The following SPTLC1 variants were observed in gnomAD, a reference collection of about 807,000 sequenced individuals.
SPTLC1 encodes the protein serine palmitoyltransferase long chain base subunit 1.
A neutral mutation model predicts 68.9 loss-of-function variants in SPTLC1; 55 were observed. That is an observed-to-expected ratio of 0.80 (90% CI 0.64 to 1.00). The LOEUF is 1.00. Ranked by LOEUF, SPTLC1 falls within the 50% of genes least tolerant of loss-of-function variation. The pLI is 0.00. For synonymous variants in SPTLC1, 197 were observed against 201.6 expected (o/e 0.98, Z 0.19); for missense variants, 449 against 573.1 (o/e 0.78, Z 2.21).
intron 9 of SPTLC1, among the ~76,000 whole-genome samples, chr9:92,049,759 T>TA (rs1833644729): frequency 6.6e-6 from 1 of 152,180 alleles, no homozygotes. Flanking sequence ...TCCGAGTTTA[T>TA]AAGTGCAGAA....
At chr9:92,050,810 G>GTTTTTTTTTT (rs1564088122) in intron 8 of SPTLC1, 3 of 72,262 alleles carry the variant, frequency 4.2e-5, no homozygotes, top group African/African-American at 2.6e-4. Context: ...GCACAATACT[G>GTTTTTTTTTT]ATTTTTTTTT....
intron 14 of SPTLC1, among the ~76,000 whole-genome samples, chr9:92,032,958 T>C (rs1421931856): frequency 1.3e-5 from 2 of 151,792 alleles, no homozygotes; most frequent in Non-Finnish European, 2.9e-5. Context: ...CAGTCAACCA[T>C]ATATGGCCTG....
chr9:92,072,958 CA>C (rs113549857), intron 5 of SPTLC1, among the ~76,000 whole-genome samples: 2 of 151,958 alleles, frequency 1.3e-5, no homozygotes, highest in Admixed American at 6.6e-5. Context: ...TTTCTCCCCC[CA>C]ACCCACCTAT....
At chr9:92,110,139 C>T (rs1382612030) in intron 2 of SPTLC1, 1 of 152,230 alleles carries the variant, frequency 6.6e-6, no homozygotes, top group Non-Finnish European at 1.5e-5. Context: ...TTCCAATCAA[C>T]TAGTTTCGAC....
chr9:92,050,239 T>C, intron 8 of SPTLC1, 172 bp from the exon 9 acceptor site: 2 of 586,192 alleles, frequency 3.4e-6, no homozygotes, highest in Non-Finnish European at 3.1e-6. Flanking sequence ...ATATCAATAC[T>C]TTTTTCCTGT....
In SPTLC1 at chr9:92,112,486, T is replaced by C. The variant is rs1836286154; in HGVS notation, c.134A>G (p.Lys45Arg). The C allele has an allele frequency of 1.2e-6, 2 of 1,610,250 alleles. No homozygotes were observed. Among genetic ancestry groups the C allele is most frequent in the Non-Finnish European group, 1.7e-6 (2 of 1,178,302 alleles). The change falls in exon 2 of 15, where the codon AAA becomes AGA. Residue 45 changes from lysine (K) to arginine (R), a missense_variant. Lys to Arg is a conservative substitution (Grantham distance 26). This residue lies in a region of SPTLC1 where 46 missense variants were observed against 57.8 expected (regional missense o/e 0.80). Coordinates refer to ENST00000262554, the MANE Select transcript of SPTLC1 (RefSeq NM_006415.4). Reference protein sequence around the residue: ...IIRLLFSKTYKLQERSDLTVK... With the variant: ...IIRLLFSKTYRLQERSDLTVK... ...TGTAAGATCAGATCGTTCTTGTAATTTGTAAGTCTTAGAGAAAAGAAGTCT... is the reference window on the plus strand; with the variant it reads ...TGTAAGATCAGATCGTTCTTGTAATCTGTAAGTCTTAGAGAAAAGAAGTCT...
intron 3 of SPTLC1, among the ~76,000 whole-genome samples, chr9:92,085,597 G>T (rs1400992805): frequency 6.7e-6 from 1 of 149,522 alleles, no homozygotes; most frequent in Non-Finnish European, 1.5e-5. Flanking sequence ...TTGCACTGTG[G>T]TCTGAGAGAC....
intron 3 of SPTLC1, chr9:92,104,673 A>C (rs1835889293): frequency 1.3e-6 from 2 of 1,525,654 alleles, no homozygotes; most frequent in Non-Finnish European, 1.8e-6. Context: ...GAGCCCAAAG[A>C]AGCAACGGAG....
At chr9:92,046,255 G>T (rs957537748) in intron 11 of SPTLC1, 4 of 592,926 alleles carry the variant, frequency 6.7e-6, no homozygotes, top group African/African-American at 5.6e-5. Context: ...TCTCACCTCA[G>T]TATCCCACTT....
At chr9:92,037,737 A>T (rs1833192471) in intron 13 of SPTLC1, among the ~76,000 whole-genome samples, 1 of 152,172 alleles carries the variant, frequency 6.6e-6, no homozygotes, top group Admixed American at 6.5e-5. Context: ...AAATCTCCCC[A>T]AATTAGGTAT....
chr9:92,115,269 C>T (rs1268783009), intron 1 of SPTLC1, 45 bp downstream of exon 1: 1 of 1,604,398 alleles, frequency 6.2e-7, no homozygotes, highest in South Asian at 1.1e-5. Context: ...CCCACCCTCC[C>T]CGGGCCCGGG....
intron 2 of SPTLC1, chr9:92,109,296 T>C (rs372186914): frequency 1.2e-3 from 215 of 177,342 alleles, no homozygotes; most frequent in African/African-American, 4.5e-3. Context: ...TCTTCGCCGG[T>C]TTTTTCTGGG....
At chr9:92,104,453 C>T (rs1341627197) in intron 3 of SPTLC1, 20 of 1,386,846 alleles carry the variant, frequency 1.4e-5, no homozygotes, top group African/African-American at 4.3e-5. Context: ...CCTCGGAACA[C>T]GGGCACCCCA....
At chr9:92,038,580 C>G in intron 12 of SPTLC1, 1 of 575,904 alleles carries the variant, frequency 1.7e-6, no homozygotes, top group Non-Finnish European at 3.2e-6. Context: ...TGCAATGTGG[C>G]TTCCTGAGTG....
chr9:92,101,671 A>T (rs575866849), intron 3 of SPTLC1, among the ~76,000 whole-genome samples: 1 of 146,472 alleles, frequency 6.8e-6, no homozygotes, highest in East Asian at 2.0e-4. Flanking sequence ...GACAGCTTCA[A>T]TGGCACACTA....
chr9:92,064,912 A>C (rs546672282), intron 6 of SPTLC1, among the ~76,000 whole-genome samples: 29 of 152,354 alleles, frequency 1.9e-4, no homozygotes, highest in African/African-American at 6.5e-4. Flanking sequence ...CAAAATTAAC[A>C]AACAGAACAG....
intron 5 of SPTLC1, among the ~76,000 whole-genome samples, chr9:92,071,227 TAAAA>T (rs777594686): frequency 2.0e-5 from 2 of 101,214 alleles, no homozygotes; most frequent in Non-Finnish European, 4.0e-5. Context: ...CTATCTCTAC[TAAAA>T]AAAAAAAAAA....
chr9:92,106,593 C>A (rs1836000442), intron 3 of SPTLC1, among the ~76,000 whole-genome samples: 1 of 152,136 alleles, frequency 6.6e-6, no homozygotes, highest in Admixed American at 6.5e-5. Flanking sequence ...CGGATCCCAG[C>A]TCCTCGTCTT....
At chr9:92,040,107 C>T (rs140977136) in intron 12 of SPTLC1, among the ~76,000 whole-genome samples, 10,926 of 152,122 alleles carry the variant, frequency 0.072, 729 homozygotes, top group East Asian at 0.27. Context: ...TGGTGCCTCA[C>T]GCCTGTAATC....
Sources: gnomAD v4.1 joint callset for allele counts (sites outside exome capture counted in the v4.1 genomes callset) on GRCh38, gnomAD v4.1.1 for gene constraint, gnomAD v4.1.1 regional missense constraint, MANE v1.5 for transcripts, NCBI Gene and HGNC (gene_info 2026-07-23, HGNC 2026-07-21) for gene names.